Variants in CASD1 observed in about 807,000 individuals in gnomAD.
CASD1 encodes the protein N-acetylneuraminate (7)9-O-acetyltransferase.
CASD1 carries 41 observed loss-of-function variants against 100.0 expected under a neutral mutation model. That is an observed-to-expected ratio of 0.41 (90% CI 0.32 to 0.53). CASD1 has a LOEUF of 0.53. Among genes scored for constraint, CASD1 ranks in the 20% least tolerant of loss-of-function variants. CASD1 has a pLI of 0.25. For synonymous variants in CASD1, 321 were observed against 315.6 expected (o/e 1.02, Z -0.18); for missense variants, 774 against 948.7 (o/e 0.82, Z 2.42).
chr7:94,536,471 G>T (rs1795125782), intron 8 of CASD1, among the ~76,000 whole-genome samples: 1 of 152,124 alleles, frequency 6.6e-6, no homozygotes. Flanking sequence ...TAAGCCCTTT[G>T]AGTATCTGAT....
chr7:94,549,385 A>G, intron 13 of CASD1, 148 bp from the exon 14 acceptor site: 3 of 439,278 alleles, frequency 6.8e-6, no homozygotes, highest in Non-Finnish European at 4.0e-6. Flanking sequence ...AAATGAAGTG[A>G]TATTTTCAAA....
At chr7:94,565,927 A>G in the CASD1 span, among the ~76,000 whole-genome samples, 3 of 152,170 alleles carry the variant, frequency 2.0e-5, no homozygotes, top group African/African-American at 7.2e-5. Context: ...TCAGAATGCA[A>G]TGTAGTTTCA....
the CASD1 span, chr7:94,622,082 T>C: frequency 6.6e-6 from 1 of 152,222 alleles, no homozygotes; most frequent in Non-Finnish European, 1.5e-5. Flanking sequence ...CCTTCTTTCA[T>C]ATCGTGTAAA....
At chr7:94,519,461 T>C (rs953251423) in intron 3 of CASD1, among the ~76,000 whole-genome samples, 2 of 152,188 alleles carry the variant, frequency 1.3e-5, no homozygotes, top group African/African-American at 4.8e-5. Context: ...ATAGTGATGA[T>C]GATACCAGGT....
the CASD1 span, among the ~76,000 whole-genome samples, chr7:94,601,471 A>AAAAAAAAAAAAAC: frequency 6.7e-6 from 1 of 148,588 alleles, no homozygotes; most frequent in East Asian, 1.9e-4. Flanking sequence ...AAAAAAAAAA[A>AAAAAAAAAAAAAC]AAAAACTACA....
At chr7:94,599,686 A>T in the CASD1 span, 1 of 1,609,356 alleles carries the variant, frequency 6.2e-7, no homozygotes, top group Non-Finnish European at 8.5e-7. Flanking sequence ...AACAGGAAAG[A>T]AGACACTTAC....
chr7:94,613,122 A>G, the CASD1 span, among the ~76,000 whole-genome samples: 1 of 152,206 alleles, frequency 6.6e-6, no homozygotes, highest in East Asian at 1.9e-4. Context: ...CAGTTTAAAA[A>G]CAAACGGAAC....
At chr7:94,621,329 G>A in the CASD1 span, 1 of 152,194 alleles carries the variant, frequency 6.6e-6, no homozygotes, top group African/African-American at 2.4e-5. Flanking sequence ...AACAAGCACT[G>A]CCTGGAGTAA....
At chr7:94,529,332 T>C (rs1407568691) in intron 5 of CASD1, among the ~76,000 whole-genome samples, 2 of 152,214 alleles carry the variant, frequency 1.3e-5, no homozygotes, top group South Asian at 2.1e-4. Flanking sequence ...AAAACCTTTA[T>C]AGGCTATTTA....
chr7:94,623,242 T>C, the CASD1 span: 4 of 836,448 alleles, frequency 4.8e-6, no homozygotes, highest in Non-Finnish European at 7.6e-6. Context: ...ATTTTAAAAT[T>C]CTTGACTATA....
chr7:94,622,066 G>A, the CASD1 span: 8 of 152,098 alleles, frequency 5.3e-5, no homozygotes, highest in Non-Finnish European at 1.2e-4. Context: ...TAATTTTACA[G>A]AAATTCCTTC....
At chr7:94,587,430 A>T in the CASD1 span, 2 of 1,161,736 alleles carry the variant, frequency 1.7e-6, no homozygotes, top group Non-Finnish European at 2.1e-6. Flanking sequence ...CAGAAGATAG[A>T]AATCTTAGGC....
the CASD1 span, among the ~76,000 whole-genome samples, chr7:94,605,658 AAGAC>A: frequency 2.0e-5 from 3 of 152,248 alleles, no homozygotes; most frequent in South Asian, 2.1e-4. Flanking sequence ...CAATCAGTAA[AAGAC>A]AGTTTAAAAA....
downstream of CASD1, among the ~76,000 whole-genome samples, chr7:94,559,073 T>C (rs1488899373): frequency 6.6e-6 from 1 of 152,168 alleles, no homozygotes; most frequent in African/African-American, 2.4e-5. Flanking sequence ...GTGCTGGGAT[T>C]ACAGGCGTGA....
the CASD1 span, among the ~76,000 whole-genome samples, chr7:94,595,521 T>A: frequency 6.6e-6 from 1 of 152,020 alleles, no homozygotes; most frequent in Admixed American, 6.6e-5. Flanking sequence ...ATAGGAAGGG[T>A]AAATTAATAA....
the CASD1 span, among the ~76,000 whole-genome samples, chr7:94,566,109 A>G: frequency 6.6e-6 from 1 of 152,164 alleles, no homozygotes; most frequent in Non-Finnish European, 1.5e-5. Flanking sequence ...TTTTGAAGGG[A>G]GAGCTGAGCA....
At chr7:94,618,995 A>T in the CASD1 span, 1 of 1,363,782 alleles carries the variant, frequency 7.3e-7, no homozygotes, top group South Asian at 1.2e-5. Flanking sequence ...TCTTTAATGA[A>T]GTAGTCTTTT....
chr7:94,607,007 AAAG>A, the CASD1 span, among the ~76,000 whole-genome samples: 1 of 152,162 alleles, frequency 6.6e-6, no homozygotes, highest in Non-Finnish European at 1.5e-5. Flanking sequence ...ATACATTAGA[AAAG>A]AAGAGAGATC....
chr7:94,575,239 A>T, the CASD1 span, among the ~76,000 whole-genome samples: 1 of 152,172 alleles, frequency 6.6e-6, no homozygotes, highest in African/African-American at 2.4e-5. Flanking sequence ...AGATTCTGGT[A>T]TGTTTTATCT....
Sources: gnomAD v4.1 joint callset for allele counts (sites outside exome capture counted in the v4.1 genomes callset) on GRCh38, gnomAD v4.1.1 for gene constraint, MANE v1.5 for transcripts, NCBI Gene and HGNC (gene_info 2026-07-23, HGNC 2026-07-21) for gene names.